Variants in KALRN observed in about 807,000 individuals in gnomAD.
KALRN encodes kalirin RhoGEF kinase.
KALRN carries 70 observed loss-of-function variants against 353.7 expected under a neutral mutation model. The ratio of observed to expected loss-of-function variants is 0.20; its 90% CI spans 0.16 to 0.24. The LOEUF (loss-of-function observed/expected upper bound fraction) is 0.24, where lower values mean the gene tolerates loss of function less well. KALRN is among the 10% of genes least tolerant of loss of function. The pLI, the probability that KALRN is intolerant of heterozygous loss-of-function variation, is 1.00. For synonymous variants in KALRN, 1,391 were observed against 1,434.8 expected (o/e 0.97, Z 0.69); for missense variants, 2,791 against 3,756.7 (o/e 0.74, Z 6.72).
At chr3:124,193,713 A>T (rs1471928093) in intron 1 of KALRN, among the ~76,000 whole-genome samples, 3 of 150,458 alleles carry the variant, frequency 2.0e-5, no homozygotes, top group East Asian at 2.0e-4. Context: ...GCCAGTGATG[A>T]CCCCTCTTTA....
At chr3:124,430,911 T>C in intron 16 of KALRN, 136 bp downstream of exon 16, 1 of 1,086,308 alleles carries the variant, frequency 9.2e-7, no homozygotes, top group Non-Finnish European at 1.3e-6. Context: ...CCAGGGAGCC[T>C]TCCTCTTACC....
Position 124,702,095 on chromosome 3 carries a change from C to T in KALRN, c.8054C>T (p.Thr2685Ile). The T allele has an allele frequency of 6.2e-7, 1 of 1,612,774 alleles. No individual in the cohort carries two copies. The highest frequency in any genetic ancestry group is 8.5e-7 in the Non-Finnish European group (1 of 1,178,990). The change falls in exon 57 of 60, where the codon ACT becomes ATT. Residue 2685 changes from threonine (T) to isoleucine (I), a missense_variant. Coordinates refer to ENST00000682506, the MANE Select transcript of KALRN (RefSeq NM_001388419.1). ...SWKENFDSAY[T>I]ELNEIGRGRF... ...AAGGAAAATTTTGACTCAGCTTACACTGAGCTGAATGAAATTGGAAGGTAA... is the reference window on the plus strand; with the variant it reads ...AAGGAAAATTTTGACTCAGCTTACATTGAGCTGAATGAAATTGGAAGGTAA...
intron 1 of KALRN, among the ~76,000 whole-genome samples, chr3:124,110,660 C>A (rs2062875780): frequency 6.6e-6 from 1 of 152,110 alleles, no homozygotes; most frequent in African/African-American, 2.4e-5. Context: ...TTTTTATTTT[C>A]TTTTGACAGC....
At chr3:124,499,627 C>T (rs1464980793) in intron 33 of KALRN, among the ~76,000 whole-genome samples, 2 of 152,174 alleles carry the variant, frequency 1.3e-5, no homozygotes, top group African/African-American at 4.8e-5. Flanking sequence ...CTTCAACTCA[C>T]CTGTCTATAA....
In KALRN at chr3:124,368,810, G is replaced by A. The variant is rs530628072; in HGVS notation, c.1771-16035G>A. On this transcript the variant is annotated intron_variant, in intron 10 of 59. Transcript: ENST00000682506. ...TGAACGAGACTCCGTCTGCAATCCC[G>A]GCACCTCGGGAGGCCGAGGCTGGCG... Among the ~76,000 whole-genome samples, 641 of 152,240 alleles carry A rather than the reference G, an allele frequency of 4.2e-3. 11 individuals are homozygous for A. The highest frequency in any genetic ancestry group is 0.014 in the African/African-American group (573 of 41,562).
At chr3:124,558,127 A>T (rs906967827) in intron 33 of KALRN, among the ~76,000 whole-genome samples, 2 of 151,984 alleles carry the variant, frequency 1.3e-5, no homozygotes, top group South Asian at 2.1e-4. Context: ...AGATTACTTT[A>T]AAAAAAAGGA....
At chr3:124,617,068 AC>A (rs1470048825) in intron 34 of KALRN, among the ~76,000 whole-genome samples, 1 of 151,902 alleles carries the variant, frequency 6.6e-6, no homozygotes, top group East Asian at 1.9e-4. Context: ...GTGGTGGCTC[AC>A]GTCTGTAATC....
At chr3:124,624,428 A>G (rs936669959) in intron 34 of KALRN, among the ~76,000 whole-genome samples, 2 of 152,212 alleles carry the variant, frequency 1.3e-5, no homozygotes, top group African/African-American at 4.8e-5. Context: ...AAAAACATAT[A>G]TAGGGTTTGA....
chr3:124,589,470 G>T (rs569983695), intron 34 of KALRN, among the ~76,000 whole-genome samples: 2 of 152,170 alleles, frequency 1.3e-5, no homozygotes, highest in Non-Finnish European at 2.9e-5. Flanking sequence ...ACATGCACCT[G>T]TAGTCCCAGC....
intron 34 of KALRN, among the ~76,000 whole-genome samples, chr3:124,600,115 C>A (rs1045526754): frequency 2.0e-5 from 3 of 152,166 alleles, no homozygotes; most frequent in African/African-American, 7.2e-5. Flanking sequence ...GTAGACCAGC[C>A]GCGGGGAAAG....
intron 1 of KALRN, among the ~76,000 whole-genome samples, chr3:124,160,739 A>T (rs2069799303): frequency 6.6e-6 from 1 of 152,006 alleles, no homozygotes; most frequent in Admixed American, 6.6e-5. Context: ...GGATAATGGG[A>T]TGCACACTGG....
intron 1 of KALRN, among the ~76,000 whole-genome samples, chr3:124,124,374 A>C (rs1274336529): frequency 1.3e-5 from 2 of 152,206 alleles, no homozygotes; most frequent in African/African-American, 4.8e-5. Context: ...ATGAAAATTG[A>C]ATGGATGAGG....
chr3:124,456,884 T>G (rs1348909196), intron 23 of KALRN, among the ~76,000 whole-genome samples, 156 bp downstream of exon 23: 1 of 152,242 alleles, frequency 6.6e-6, no homozygotes, highest in Admixed American at 6.5e-5. Flanking sequence ...ATGGGTTCCC[T>G]CTGAAGGCTT....
chr3:124,264,056 AT>A (rs5852399), intron 3 of KALRN, among the ~76,000 whole-genome samples: 60,862 of 143,172 alleles, frequency 0.43, 12,367 homozygotes, highest in Middle Eastern at 0.48. Context: ...TGGACTTTGG[AT>A]TTTTTTTTTT....
chr3:124,502,125 C>G (rs2064649335), intron 33 of KALRN, among the ~76,000 whole-genome samples: 2 of 152,124 alleles, frequency 1.3e-5, no homozygotes, highest in Non-Finnish European at 2.9e-5. Context: ...AGGAAAAAAG[C>G]AAAACAAAAC....
At chr3:124,432,876 G>A (rs1307604837) in intron 16 of KALRN, among the ~76,000 whole-genome samples, 2 of 152,156 alleles carry the variant, frequency 1.3e-5, no homozygotes, top group Non-Finnish European at 2.9e-5. Context: ...ACTTAGTCTC[G>A]AGAGGGCATG....
At chr3:124,512,067 T>C (rs1194303348) in intron 33 of KALRN, among the ~76,000 whole-genome samples, 2 of 152,246 alleles carry the variant, frequency 1.3e-5, no homozygotes, top group Non-Finnish European at 2.9e-5. Context: ...TTGAATGATA[T>C]GTTTTATGTA....
chr3:124,568,947 C>T (rs1233043070), intron 34 of KALRN, among the ~76,000 whole-genome samples: 1 of 152,104 alleles, frequency 6.6e-6, no homozygotes, highest in Non-Finnish European at 1.5e-5. Context: ...GGACTTAATG[C>T]CACTGAACTG....
intron 5 of KALRN, among the ~76,000 whole-genome samples, chr3:124,294,373 A>G (rs1263956584): frequency 6.6e-6 from 1 of 151,988 alleles, no homozygotes; most frequent in Non-Finnish European, 1.5e-5. Flanking sequence ...ACTTCCCTGA[A>G]CCTGTTTTCC....
Sources: allele counts gnomAD v4.1 joint callset (sites outside exome capture counted in the v4.1 genomes callset), GRCh38; gene constraint gnomAD v4.1.1; transcripts MANE v1.5; gene names NCBI Gene and HGNC (gene_info 2026-07-23, HGNC 2026-07-21).